The following GK variants were observed in gnomAD, a reference collection of about 807,000 sequenced individuals.
GK encodes glycerol kinase, also known as ATP:glycerol 3-phosphotransferase.
In GK, 9 loss-of-function variants were observed where a neutral mutation model predicts 56.4. The ratio of observed to expected loss-of-function variants is 0.16; its 90% CI spans 0.10 to 0.28. The LOEUF (loss-of-function observed/expected upper bound fraction) is 0.28. Among genes scored for constraint, GK ranks in the 10% least tolerant of loss-of-function variants. GK has a pLI of 1.00. For missense variants in GK, 161 were observed against 431.4 expected, an observed-to-expected ratio of 0.37 and a Z score of 5.55; for synonymous variants, 104 against 144.1, an observed-to-expected ratio of 0.72 and a Z score of 1.99.
intron 4 of GK, among the ~76,000 whole-genome samples, chrX:30,682,354 T>C (rs1934326206): frequency 8.9e-6 from 1 of 111,821 alleles, no homozygotes; most frequent in African/African-American, 3.2e-5. Context: ...TGTTCTAGGT[T>C]TTGTGATAAC....
At position 30,691,038 on chromosome X, in the gene GK, G is replaced by A. The variant is rs1934901712; in HGVS notation, c.338-85G>A. The A allele has an allele frequency of 1.8e-5, 10 of 552,593 alleles. No homozygotes were observed. In the South Asian group the frequency reaches 2.8e-4, roughly 15 times the overall value. 45.5% of individuals were successfully genotyped at this position (552,593 alleles called of 1,213,427 possible). On this transcript the variant is annotated intron_variant, in intron 4 of 20. Transcript: ENST00000427190. Reference sequence around the variant, plus strand: ...TTTAATTCCTTATAGAAACTAATCAGTCTTTTATCCTTGATAGTGATTTCA... The same window carrying A: ...TTTAATTCCTTATAGAAACTAATCAATCTTTTATCCTTGATAGTGATTTCA...
chrX:30,677,512 A>G (rs1403176027), intron 4 of GK, 60 bp downstream of exon 4: 2 of 679,746 alleles, frequency 2.9e-6, no homozygotes, highest in East Asian at 3.2e-5. Context: ...AAATGTGGTC[A>G]TATTAAAATA....
intron 5 of GK, among the ~76,000 whole-genome samples, chrX:30,692,722 A>T (rs1218447605): frequency 9.1e-6 from 1 of 109,629 alleles, no homozygotes; most frequent in Non-Finnish European, 1.9e-5. Context: ...AGCCTCCCAA[A>T]ATGCTGGGTT....
At chrX:30,700,809 G>A (rs746488052) in intron 10 of GK, 29 bp from the exon 11 acceptor site, 2 of 957,528 alleles carry the variant, frequency 2.1e-6, no homozygotes, top group South Asian at 3.9e-5. Context: ...GTATTAGTCA[G>A]TGTTCTTTAT....
intron 15 of GK, 139 bp downstream of exon 15, chrX:30,719,654 C>A: frequency 2.2e-6 from 1 of 462,608 alleles, no homozygotes; most frequent in Non-Finnish European, 3.8e-6. Flanking sequence ...AATATAATTT[C>A]AGAAACTTTA....
intron 3 of GK, among the ~76,000 whole-genome samples, chrX:30,674,684 A>G (rs1158083596): frequency 9.0e-6 from 1 of 110,992 alleles, no homozygotes; most frequent in Non-Finnish European, 1.9e-5. Flanking sequence ...TAAAAAATAT[A>G]TATATATATA....
chrX:30,695,427 A>G (rs1935188834), intron 6 of GK, among the ~76,000 whole-genome samples: 1 of 112,487 alleles, frequency 8.9e-6, no homozygotes, highest in South Asian at 3.7e-4. Flanking sequence ...CATTTTGGCT[A>G]TATCCCACTG....
intron 2 of GK, among the ~76,000 whole-genome samples, chrX:30,667,708 G>A (rs781460048): frequency 1.1e-3 from 118 of 112,030 alleles, no homozygotes; most frequent in Non-Finnish European, 1.9e-3. Context: ...ATATAAAGAA[G>A]GGGAACTAAT....
chrX:30,723,734 T>A, intron 18 of GK: 2 of 220,957 alleles, frequency 9.1e-6, no homozygotes, highest in Non-Finnish European at 1.7e-5. Flanking sequence ...ATGATCCTCC[T>A]GCTTCAGCCT....
chrX:30,667,697 G>T (rs890090227), intron 2 of GK, among the ~76,000 whole-genome samples: 6 of 111,942 alleles, frequency 5.4e-5, no homozygotes, highest in African/African-American at 1.9e-4. Context: ...AAATCTGCAG[G>T]ATATAAAGAA....
At chrX:30,672,319 C>CACAT (rs1436364468) in intron 3 of GK, among the ~76,000 whole-genome samples, 2 of 110,672 alleles carry the variant, frequency 1.8e-5, no homozygotes, top group East Asian at 5.6e-4. Flanking sequence ...AAGGGAAACC[C>CACAT]ACATATCCAT....
chrX:30,690,367 C>T (rs758752202), intron 4 of GK, among the ~76,000 whole-genome samples: 14 of 112,240 alleles, frequency 1.2e-4, no homozygotes, highest in Non-Finnish European at 2.4e-4. Flanking sequence ...GGCTGCCTTT[C>T]ACAATTACTT....
chrX:30,697,605 A>G, intron 8 of GK, 127 bp from the exon 9 acceptor site: 1 of 560,561 alleles, frequency 1.8e-6, no homozygotes. Context: ...GGTCAAGGAA[A>G]AAGAAACGAT....
chrX:30,687,010 AG>A lies in GK; in HGVS notation c.338-4111del, dbSNP rs768216208. On this transcript the variant is annotated intron_variant, in intron 4 of 20. Transcript: ENST00000427190. ...CTAGACACGTTGCTCCCTTCTGTGA[AG>A]GTGCCCTTTACTCCCAGCTATCTTA... 8.1e-5 allele frequency among the ~76,000 whole-genome samples: 9 copies of A among 111,088 alleles called. No individual in the cohort carries two copies. In the South Asian group the frequency reaches 3.4e-3, roughly 42 times the overall value.
chrX:30,729,582 T>C lies in GK; in HGVS notation c.*840T>C, dbSNP rs1407558647. On this transcript the variant is annotated 3_prime_UTR_variant, in exon 21 of 21. Coordinates refer to ENST00000427190, the MANE Select transcript of GK (RefSeq NM_001205019.2). ...AAGTGAACCACTGTGTATATAAATA[T>C]GTTGGAAAACAGCTGTATACATTTT... The C allele has an allele frequency of 9.0e-6, 1 of 111,067 alleles. No individual in the cohort carries two copies. The allele number at this position is 111,067 out of a possible 1,213,427, so 9.2% of individuals were successfully genotyped here. A position where few individuals can be genotyped will look rare whatever the true frequency, so the allele number is the denominator to read the frequency against.
intron 4 of GK, among the ~76,000 whole-genome samples, chrX:30,681,936 T>A (rs1163651287): frequency 2.7e-5 from 3 of 112,010 alleles, no homozygotes; most frequent in African/African-American, 9.7e-5. Context: ...GTAGACTTGA[T>A]ACACTAGGCA....
At chrX:30,657,011 C>T (rs1221476282) in intron 1 of GK, among the ~76,000 whole-genome samples, 1 of 111,271 alleles carries the variant, frequency 9.0e-6, no homozygotes, top group Non-Finnish European at 1.9e-5. Flanking sequence ...CCACCACGCC[C>T]GGCTAATTTT....
intron 9 of GK, among the ~76,000 whole-genome samples, chrX:30,699,297 A>G (rs1181414471): frequency 2.3e-5 from 2 of 87,958 alleles, no homozygotes; most frequent in Non-Finnish European, 4.4e-5. Context: ...TGTTATACAT[A>G]ACATGTATAT....
intron 7 of GK, 125 bp from the exon 8 acceptor site, chrX:30,696,492 C>T: frequency 1.9e-6 from 1 of 529,427 alleles, no homozygotes; most frequent in Non-Finnish European, 3.3e-6. Flanking sequence ...TTATTGCTAT[C>T]TAACTCCATG....
Sources: gnomAD v4.1 joint callset for allele counts (sites outside exome capture counted in the v4.1 genomes callset) on GRCh38, gnomAD v4.1.1 for gene constraint, MANE v1.5 for transcripts, NCBI Gene and HGNC (gene_info 2026-07-23, HGNC 2026-07-21) for gene names.